The following LMNTD2 variants were observed in gnomAD, a reference collection of about 807,000 sequenced individuals.
LMNTD2 encodes the protein lamin tail domain-containing protein 2.
LMNTD2 carries 83 observed loss-of-function variants against 70.1 expected under a neutral mutation model. The ratio of observed to expected loss-of-function variants is 1.18; its 90% confidence interval spans 0.99 to 1.42. The LOEUF is 1.42. Among genes scored for constraint, LMNTD2 ranks in the 40% most tolerant of loss-of-function variants. The pLI is 0.00. For synonymous variants in LMNTD2, 534 were observed against 406.1 expected (o/e 1.31, Z -3.79); for missense variants, 1,153 against 905.9 (o/e 1.27, Z -3.50).
At chr11:559,237 G>A in intron 1 of LMNTD2, 1 of 1,494,278 alleles carries the variant, frequency 6.7e-7, no homozygotes, top group African/African-American at 1.4e-5. Flanking sequence ...CACCCGACAT[G>A]TCCCTGGCGT....
rs750826002 is a variant in LMNTD2, at chr11:556,216, C to T, written c.1233G>A (p.Leu411=). Residue 411 remains leucine (L), a synonymous_variant, in exon 10 of 14, where the codon CTG becomes CTA. Coordinates refer to ENST00000329451, the MANE Select transcript of LMNTD2 (RefSeq NM_173573.3). ...ERLYRFPPGT[L]LAPRHHVTVW... ...CCGTGACGTGGTGCCGCGGGGCCAG[C>T]AGCGTGCCCGGCGGGAAGCGGTACA... 4 of 1,485,868 alleles carry T rather than the reference C, an allele frequency of 2.7e-6. No homozygotes were observed. The highest frequency in any genetic ancestry group is 1.3e-5 in the South Asian group (1 of 78,892). 92.0% of individuals were successfully genotyped at this position (1,485,868 alleles called of 1,614,324 possible).
At chr11:560,061 AGAAAAGCCAGGTC>A (rs1189546559) in intron 1 of LMNTD2, 1 of 162,376 alleles carries the variant, frequency 6.2e-6, no homozygotes, top group East Asian at 1.8e-4. Flanking sequence ...CTGCTCCAGG[AGAAAAGCCAGGTC>A]CCAGACCTGA....
chr11:558,027 G>C lies in LMNTD2; in HGVS notation c.412C>G (p.Leu138Val), dbSNP rs749138895. 6 of 1,579,922 alleles carry C rather than the reference G, an allele frequency of 3.8e-6. No homozygotes were observed. The highest frequency in any genetic ancestry group is 5.2e-6 in the Non-Finnish European group (6 of 1,161,052). Reference sequence around the variant, plus strand: ...GTGGTCTGCAGCAGCCGCTCCTCCAGGTGCTCCTTCTCCTGCTCCGAGAGG... The same window carrying C: ...GTGGTCTGCAGCAGCCGCTCCTCCACGTGCTCCTTCTCCTGCTCCGAGAGG... ...KERAQWEKEH[L>V]EERLLQTTRT... The change falls in exon 5 of 14, where the codon CTG becomes GTG. Residue 138 changes from leucine (L) to valine (V), a missense_variant. Leu to Val is a conservative substitution (Grantham distance 32). Transcript: ENST00000329451.
chr11:559,147 CAG>C, intron 1 of LMNTD2, 168 bp from the exon 2 acceptor site: 2 of 1,464,360 alleles, frequency 1.4e-6, no homozygotes, highest in Admixed American at 4.7e-5. Context: ...CACTTACTCA[CAG>C]AGCGTTGCTC....
chr11:558,614 C>T lies in LMNTD2; in HGVS notation c.311G>A (p.Arg104Lys), dbSNP rs139413131. 1.4e-5 allele frequency: 23 copies of T among 1,605,032 alleles called. No homozygotes were observed. The highest frequency in any genetic ancestry group is 8.5e-7 in the Non-Finnish European group (1 of 1,177,056). The change falls in exon 3 of 14, where the codon AGG becomes AAG. Residue 104 changes from arginine to lysine, a missense_variant and splice_region_variant. By Grantham distance (26) the Arg-to-Lys change is conservative. Transcript: ENST00000329451. ...TTGGGCTGGGGACTGTGCTGCAGAC[C>T]TCTTGGGCGGAAGCCCCGCCACCTC... ...LEEVAGLPPK[R>K]SSHSQEKLLQ...
At position 557,501 on chromosome 11, in the gene LMNTD2, A is replaced by G. The variant is rs745712730; in HGVS notation, c.625-14T>C. On this transcript the variant is annotated splice_polypyrimidine_tract_variant and intron_variant, in intron 6 of 13. Coordinates refer to ENST00000329451, the MANE Select transcript of LMNTD2 (RefSeq NM_173573.3). ...CAGCCGAAAGCCCTGGCCAGGAAGC[A>G]AGAGGCACATGGTCCTCCCCTCCCG... The G allele has an allele frequency of 1.2e-6, 2 of 1,613,158 alleles. No homozygotes were observed. The highest frequency in any genetic ancestry group is 2.2e-5 in the South Asian group (2 of 91,028).
chr11:559,123 A>G, intron 1 of LMNTD2, 144 bp from the exon 2 acceptor site: 1 of 1,481,294 alleles, frequency 6.8e-7, no homozygotes, highest in South Asian at 1.3e-5. Context: ...AGGTTGGAGC[A>G]GCCCAGGCGT....
Position 558,600 on chromosome 11 carries a change from A to G in LMNTD2, c.311+14T>C. On this transcript the variant is annotated intron_variant, in intron 3 of 13. Transcript: ENST00000329451. ...AGGGCGGGGTTGGGTTGGGCTGGGG[A>G]CTGTGCTGCAGACCTCTTGGGCGGA... is the stretch of plus-strand genomic sequence containing the variant. 6.3e-7 allele frequency: 1 copy of G among 1,597,786 alleles called. No homozygotes were observed.
rs914771081 is a variant in LMNTD2, at chr11:556,181, C to T, written c.1257+11G>A. On this transcript the variant is annotated intron_variant, in intron 10 of 13. Coordinates refer to ENST00000329451, the MANE Select transcript of LMNTD2 (RefSeq NM_173573.3). ...GGGCCGTCGGGGCCGGGCTCCCGGG[C>T]CGGGGCGCACCGTGACGTGGTGCCG... 36 of 1,353,814 alleles carry T rather than the reference C, an allele frequency of 2.7e-5. No homozygotes were observed. Among genetic ancestry groups the T allele is most frequent in the Non-Finnish European group, 3.2e-5 (34 of 1,061,324 alleles). The allele number at this position is 1,353,814 out of a possible 1,614,324, so 83.9% of individuals were successfully genotyped here.
chr11:559,809 G>A (rs1371379544), intron 1 of LMNTD2: 3 of 1,000,436 alleles, frequency 3.0e-6, no homozygotes, highest in African/African-American at 1.7e-5. Flanking sequence ...GTCCAGGCTG[G>A]AATGCTTCGG....
At chr11:557,830 G>T in intron 5 of LMNTD2, 54 bp downstream of exon 5, 2 of 1,512,936 alleles carry the variant, frequency 1.3e-6, no homozygotes, top group Admixed American at 2.1e-5. Context: ...CCGACGAGAT[G>T]GGGAGGGCTG....
Position 556,999 on chromosome 11 carries a change from G to T in LMNTD2, c.812C>A (p.Pro271His). 6.2e-7 allele frequency: 1 copy of T among 1,608,612 alleles called. No homozygotes were observed. ...HHKTVEWGSL[P>H]CLNTSSSGGA... ...CCCTGAGCTGCTGGTGTTCAGACAGGGCAGGGAGCCCCACTCCACGGTCTT... is the reference window on the plus strand; with the variant it reads ...CCCTGAGCTGCTGGTGTTCAGACAGTGCAGGGAGCCCCACTCCACGGTCTT... Residue 271 changes from proline (P) to histidine (H), a missense_variant, in exon 8 of 14, where the codon CCC (proline) becomes CAC (histidine). Pro to His is a moderately conservative substitution (Grantham distance 77, BLOSUM62 -2). Coordinates refer to ENST00000329451, the MANE Select transcript of LMNTD2 (RefSeq NM_173573.3).
At chr11:555,138 CGCGGGGCGGGGCGGGGACGGGAGGG>C in intron 13 of LMNTD2, 27 bp from the exon 14 acceptor site, 1 of 581,152 alleles carries the variant, frequency 1.7e-6, no homozygotes, top group South Asian at 3.6e-5. Flanking sequence ...CTGAGAGGCG[CGCGGGGCGGGGCGGGGACGGGAGGG>C]GAGGGGAGGG....
Position 554,893 on chromosome 11 carries a change from T to C in LMNTD2, c.*87A>G. The C allele has an allele frequency of 1.0e-6, 1 of 956,664 alleles. No individual in the cohort carries two copies. The highest frequency in any genetic ancestry group is 1.8e-5 in the South Asian group (1 of 54,666). The allele number at this position is 956,664 out of a possible 1,614,324, so 59.3% of individuals were successfully genotyped here. ...GGTTTACTTTGTAGGCCACGTTGGT[T>C]CAATAAATGATGCAGCGGACACAGC... On this transcript the variant is annotated 3_prime_UTR_variant, in exon 14 of 14. Coordinates refer to ENST00000329451, the MANE Select transcript of LMNTD2 (RefSeq NM_173573.3).
chr11:559,092 GTGCGCCTCGTGTGGCCACA>G, intron 1 of LMNTD2, 113 bp from the exon 2 acceptor site: 1 of 1,526,260 alleles, frequency 6.6e-7, no homozygotes, highest in Non-Finnish European at 8.8e-7. Context: ...CGTCTGCCGT[GTGCGCCTCGTGTGGCCACA>G]CAGGTTGGAG....
At chr11:555,254 G>A (rs957955029) in intron 13 of LMNTD2, 51 bp downstream of exon 13, 25 of 1,296,846 alleles carry the variant, frequency 1.9e-5, no homozygotes, top group African/African-American at 6.3e-5. Flanking sequence ...GAGAGGAGAG[G>A]AGGAGAACGA....
At position 556,945 on chromosome 11, in the gene LMNTD2, C is replaced by T. The variant is rs149320763; in HGVS notation, c.866G>A (p.Arg289Gln). ...GGADSDSSSC[R>Q]PGLPSFVQVI... ...CTGCACGAAGGAAGGCAGGCCCGGC[C>T]GGCAGCTGCTGGAGTCGGAGTCAGC... The change falls in exon 8 of 14, where the codon CGG (arginine) becomes CAG (glutamine). Residue 289 changes from arginine to glutamine, a missense_variant. By Grantham distance (43) the Arg-to-Gln change is conservative. Transcript: ENST00000329451. 2.6e-4 allele frequency: 413 copies of T among 1,601,624 alleles called. No homozygotes were observed. The African/African-American group carries it at 5.0e-3, about 19-fold the overall frequency.
Position 555,079 on chromosome 11 carries a change from G to C in LMNTD2, c.1806C>G (p.Pro602=), listed in dbSNP as rs779074229. The C allele has an allele frequency of 2.6e-5, 41 of 1,576,128 alleles. No homozygotes were observed. In the Admixed American group the frequency reaches 6.8e-4, roughly 26 times the overall value. The change falls in exon 14 of 14, where the codon CCC becomes CCG. Residue 602 remains proline (P), a synonymous_variant. Coordinates refer to ENST00000329451, the MANE Select transcript of LMNTD2 (RefSeq NM_173573.3). ...TGTTCTGCACCGACAGGGCCACCAG[G>C]GGGCAGCTACGGTCCACGCTCTTCC... ...VCRKSVDRSC[P]LVALSVQNTA...
At position 556,118 on chromosome 11, in the gene LMNTD2, G is replaced by T; in HGVS notation, c.1258-3C>A. 1 of 1,402,942 alleles carries T rather than the reference G, an allele frequency of 7.1e-7. No individual in the cohort carries two copies. The highest frequency in any genetic ancestry group is 9.2e-7 in the Non-Finnish European group (1 of 1,085,466). The allele number at this position is 1,402,942 out of a possible 1,614,324, so 86.9% of individuals were successfully genotyped here. Reference sequence around the variant, plus strand: ...CTGCGGGTCGCCTCGCCCCAGACCTGGAGGGGCGTGGAGCGGCGGGTGAGG... The same window carrying T: ...CTGCGGGTCGCCTCGCCCCAGACCTTGAGGGGCGTGGAGCGGCGGGTGAGG... On this transcript the variant is annotated splice_region_variant and splice_polypyrimidine_tract_variant and intron_variant, in intron 10 of 13. Transcript: ENST00000329451.
Sources: gnomAD v4.1 joint callset for allele counts on GRCh38, gnomAD v4.1.1 for gene constraint, MANE v1.5 for transcripts, NCBI Gene and HGNC (gene_info 2026-07-23, HGNC 2026-07-21) for gene names.